Variants in PTPRN2 observed in about 807,000 individuals in gnomAD.
The protein encoded by PTPRN2 is receptor-type tyrosine-protein phosphatase N2.
Under a neutral mutation model 118.8 loss-of-function variants are expected in PTPRN2, and 74 were observed. The observed-to-expected ratio is 0.62, with a 90% CI of 0.52 to 0.76. PTPRN2 has a LOEUF of 0.76. PTPRN2 is among the 30% of genes least tolerant of loss of function. The pLI, the probability that PTPRN2 is intolerant of heterozygous loss-of-function variation, is 0.00. For synonymous variants in PTPRN2, 641 were observed against 608.0 expected, an observed-to-expected ratio of 1.05 and a Z score of -0.80; for missense variants, 1,481 against 1,394.4, an observed-to-expected ratio of 1.06 and a Z score of -0.99.
At chr7:158,107,297 TATCA>T (rs1815765196) in intron 10 of PTPRN2, among the ~76,000 whole-genome samples, 3 of 152,036 alleles carry the variant, frequency 2.0e-5, no homozygotes. Flanking sequence ...GAAACAAACC[TATCA>T]ATCAAACCTG....
chr7:157,819,798 C>T (rs1317802631), intron 12 of PTPRN2, among the ~76,000 whole-genome samples: 1 of 151,988 alleles, frequency 6.6e-6, no homozygotes, highest in East Asian at 1.9e-4. Context: ...TTTGTGTATT[C>T]ATGAACACGC....
intron 3 of PTPRN2, among the ~76,000 whole-genome samples, chr7:158,264,417 A>G (rs1255751495): frequency 1.3e-5 from 2 of 152,062 alleles, no homozygotes; most frequent in Non-Finnish European, 2.9e-5. Flanking sequence ...CACACGGTCC[A>G]AAGATCGTGC....
Position 157,671,549 on chromosome 7 carries a change from G to A in PTPRN2, c.2001+11176C>T, listed in dbSNP as rs908444024. ...GGGGGGCGGTGCAACGGAGGGAGCC[G>A]GGCAAACAAAGGCTCAGAAGCAGAG... On this transcript the variant is annotated intron_variant, in intron 13 of 22. Transcript: ENST00000389418. This position sits in a 1 kb window ranked among gnomAD's most constrained non-coding sequence, Gnocchi z 4.1. Among the ~76,000 whole-genome samples, 8 of 152,172 alleles carry A rather than the reference G, an allele frequency of 5.3e-5. No individual in the cohort carries two copies. Among genetic ancestry groups the A allele is most frequent in the Non-Finnish European group, 8.8e-5 (6 of 68,010 alleles).
chr7:158,231,935 A>G (rs1267496175), intron 3 of PTPRN2, among the ~76,000 whole-genome samples: 1 of 152,192 alleles, frequency 6.6e-6, no homozygotes, highest in Non-Finnish European at 1.5e-5. Flanking sequence ...AAATTGAAAT[A>G]TACTACAATC....
intron 1 of PTPRN2, among the ~76,000 whole-genome samples, chr7:158,533,376 G>T (rs1369854599): frequency 6.6e-6 from 1 of 152,226 alleles, no homozygotes; most frequent in Non-Finnish European, 1.5e-5. Flanking sequence ...CAGAAATGGA[G>T]ATTTCTAGGA....
At position 157,583,606 on chromosome 7, in the gene PTPRN2, G is replaced by A. The variant is rs367595479; in HGVS notation, c.2497-5466C>T. On this transcript the variant is annotated intron_variant, in intron 17 of 22. Coordinates refer to ENST00000389418, the MANE Select transcript of PTPRN2 (RefSeq NM_002847.5). The surrounding 1 kb of genome is among the most constrained non-coding windows in gnomAD (Gnocchi z 5.5). Reference sequence around the variant, plus strand: ...ATTTACAATTAAAAACAACTCGACCGGGCACAGGGGCTCGCACCTCTAATC... The same window carrying A: ...ATTTACAATTAAAAACAACTCGACCAGGCACAGGGGCTCGCACCTCTAATC... Among the ~76,000 whole-genome samples the A allele has an allele frequency of 1.3e-5, 2 of 150,988 alleles. No individual in the cohort carries two copies. Among genetic ancestry groups the A allele is most frequent in the African/African-American group, 4.8e-5 (2 of 41,316 alleles).
intron 6 of PTPRN2, among the ~76,000 whole-genome samples, chr7:158,143,095 C>T (rs541533410): frequency 1.3e-5 from 2 of 152,298 alleles, no homozygotes; most frequent in Middle Eastern, 3.4e-3. Flanking sequence ...CTTTTTCTTT[C>T]CCAGCGATTA....
At chr7:157,576,838 C>T in intron 18 of PTPRN2, 59 bp from the exon 19 acceptor site, 1 of 1,467,682 alleles carries the variant, frequency 6.8e-7, no homozygotes, top group South Asian at 1.3e-5. Context: ...TGAACCGAAC[C>T]TCAGGCACTG....
At chr7:157,852,830 C>G (rs947084478) in intron 12 of PTPRN2, among the ~76,000 whole-genome samples, 3 of 147,262 alleles carry the variant, frequency 2.0e-5, no homozygotes, top group African/African-American at 7.6e-5. Context: ...GATCGCACCA[C>G]TGCACTCCAG....
intron 1 of PTPRN2, among the ~76,000 whole-genome samples, chr7:158,564,344 G>A (rs1306884945): frequency 6.6e-6 from 1 of 152,274 alleles, no homozygotes; most frequent in African/African-American, 2.4e-5. Flanking sequence ...ATTCCTAGAA[G>A]TGGGATTTGG....
At chr7:158,130,476 C>T (rs1490740224) in intron 9 of PTPRN2, among the ~76,000 whole-genome samples, 1 of 151,606 alleles carries the variant, frequency 6.6e-6, no homozygotes, top group Non-Finnish European at 1.5e-5. Context: ...CATATACACA[C>T]ATGCACATAT....
intron 3 of PTPRN2, among the ~76,000 whole-genome samples, chr7:158,311,904 C>A (rs922072798): frequency 1.3e-5 from 2 of 150,346 alleles, no homozygotes; most frequent in African/African-American, 5.0e-5. Flanking sequence ...GACACCCACA[C>A]ACGCACACAC....
intron 12 of PTPRN2, among the ~76,000 whole-genome samples, chr7:157,866,450 G>A (rs939404859): frequency 2.0e-5 from 3 of 151,822 alleles, no homozygotes; most frequent in African/African-American, 7.3e-5. Flanking sequence ...GTACACACAC[G>A]AACATGCACG....
At chr7:157,749,485 G>GA (rs1403269458) in intron 12 of PTPRN2, among the ~76,000 whole-genome samples, 1 of 140,688 alleles carries the variant, frequency 7.1e-6, no homozygotes, top group African/African-American at 2.7e-5. Context: ...TGGGTTGTCT[G>GA]GGTGATTCTG....
At chr7:158,189,254 G>A (rs1236984195) in intron 5 of PTPRN2, among the ~76,000 whole-genome samples, 3 of 152,194 alleles carry the variant, frequency 2.0e-5, no homozygotes, top group South Asian at 2.1e-4. Context: ...ATTTACCCTC[G>A]AGGCGAATCC....
At chr7:158,171,091 C>CATAT (rs370749879) in intron 5 of PTPRN2, among the ~76,000 whole-genome samples, 1 of 130,624 alleles carries the variant, frequency 7.7e-6, no homozygotes, top group Non-Finnish European at 1.6e-5. Context: ...TATATACACA[C>CATAT]ATATATATAT....
At chr7:158,062,062 G>A (rs1293865470) in intron 11 of PTPRN2, among the ~76,000 whole-genome samples, 1 of 152,260 alleles carries the variant, frequency 6.6e-6, no homozygotes, top group Admixed American at 6.5e-5. Flanking sequence ...GCACCTTGGT[G>A]CGGAAGCCCA....
intron 9 of PTPRN2, among the ~76,000 whole-genome samples, chr7:158,126,836 C>T (rs113769975): frequency 0.016 from 2,411 of 152,234 alleles, 55 homozygotes; most frequent in African/African-American, 0.047. Context: ...ATGGAGAGAC[C>T]GAAGCCCCCA....
At chr7:158,435,731 A>G (rs931321641) in intron 2 of PTPRN2, among the ~76,000 whole-genome samples, 1 of 152,240 alleles carries the variant, frequency 6.6e-6, no homozygotes. Flanking sequence ...ACAATGAAAC[A>G]TTACTCAGCC....
Sources: allele counts gnomAD v4.1 joint callset (sites outside exome capture counted in the v4.1 genomes callset), GRCh38; gene constraint gnomAD v4.1.1; non-coding constraint Gnocchi (gnomAD v3.1); transcripts MANE v1.5; gene names NCBI Gene and HGNC (gene_info 2026-07-23, HGNC 2026-07-21).